COL25A1: variants seen among roughly 807,000 people sequenced by gnomAD.
COL25A1 encodes the protein collagen alpha-1(XXV) chain.
Under a neutral mutation model 128.4 loss-of-function variants are expected in COL25A1, and 103 were observed. The ratio of observed to expected loss-of-function variants is 0.80; its 90% CI spans 0.68 to 0.94. COL25A1 has a LOEUF of 0.94. COL25A1 is among the 40% of genes least tolerant of loss of function. The pLI, the probability that COL25A1 is intolerant of heterozygous loss-of-function variation, is 0.00. For missense variants in COL25A1, 745 were observed against 840.0 expected (o/e 0.89, Z 1.40); for synonymous variants, 279 against 277.2 (o/e 1.01, Z -0.06).
rs376251447 is a variant in COL25A1, at chr4:108,875,889, A to T, written c.1021-6739T>A. On this transcript the variant is annotated intron_variant, in intron 19 of 37. Transcript: ENST00000399132. ...ATGGAATACTATGCCGCCATAAAAA[A>T]GGATGAGTTCATGTCCTTTGCAAGG... is the stretch of plus-strand genomic sequence containing the variant. 1.1e-4 allele frequency among the ~76,000 whole-genome samples: 17 copies of T among 152,336 alleles called. No homozygotes were observed. In the East Asian group the frequency reaches 2.9e-3, roughly 26 times the overall value.
intron 5 of COL25A1, among the ~76,000 whole-genome samples, chr4:109,034,857 C>T (rs1304451786): frequency 6.6e-6 from 1 of 152,086 alleles, no homozygotes; most frequent in African/African-American, 2.4e-5. Context: ...AAATTTAATA[C>T]TCCACTATGG....
chr4:109,110,619 T>C (rs926648955), intron 3 of COL25A1, among the ~76,000 whole-genome samples: 3 of 152,090 alleles, frequency 2.0e-5, no homozygotes, highest in African/African-American at 4.8e-5. Context: ...AGAAATGAAA[T>C]GTTCACATTG....
intron 3 of COL25A1, among the ~76,000 whole-genome samples, chr4:109,076,820 C>T (rs1237889274): frequency 1.3e-5 from 2 of 151,898 alleles, no homozygotes; most frequent in African/African-American, 4.8e-5. Context: ...CAACCTAGAT[C>T]CCTCACATGC....
chr4:109,125,802 A>C (rs1768543180), intron 3 of COL25A1, among the ~76,000 whole-genome samples: 1 of 152,198 alleles, frequency 6.6e-6, no homozygotes, highest in African/African-American at 2.4e-5. Context: ...AGCTGATCAG[A>C]TACAAACACA....
chr4:108,825,038 C>T (rs1237786757), intron 34 of COL25A1, among the ~76,000 whole-genome samples, 158 bp downstream of exon 34: 1 of 151,992 alleles, frequency 6.6e-6, no homozygotes, highest in African/African-American at 2.4e-5. Flanking sequence ...CTCATGCAAA[C>T]ACTAGTGTAT....
intron 3 of COL25A1, among the ~76,000 whole-genome samples, chr4:109,067,650 C>A (rs1057152632): frequency 2.0e-5 from 3 of 152,118 alleles, no homozygotes. Context: ...TTTTTGTTTT[C>A]TTTTCCAGGG....
At chr4:108,896,609 A>C in intron 16 of COL25A1, 58 bp downstream of exon 16, 2 of 1,449,684 alleles carry the variant, frequency 1.4e-6, no homozygotes, top group Non-Finnish European at 1.9e-6. Context: ...CATCTTCATA[A>C]ACTTGAAGTA....
intron 3 of COL25A1, among the ~76,000 whole-genome samples, chr4:109,232,447 T>G (rs6845200): frequency 1.3e-5 from 2 of 152,114 alleles, no homozygotes; most frequent in Non-Finnish European, 2.9e-5. Flanking sequence ...CTTTATAACA[T>G]ATAGAGTCAC....
intron 3 of COL25A1, among the ~76,000 whole-genome samples, chr4:109,135,861 A>G (rs1440801487): frequency 6.6e-6 from 1 of 152,256 alleles, no homozygotes; most frequent in Non-Finnish European, 1.5e-5. Flanking sequence ...GCTCTCTGAC[A>G]GATCCATATA....
At chr4:108,948,033 T>G (rs1748981994) in intron 8 of COL25A1, among the ~76,000 whole-genome samples, 1 of 152,190 alleles carries the variant, frequency 6.6e-6, no homozygotes, top group Non-Finnish European at 1.5e-5. Context: ...ACAGTGGGCA[T>G]GTGTGCAGCA....
At chr4:109,042,338 C>T (rs965760303) in intron 5 of COL25A1, among the ~76,000 whole-genome samples, 6 of 152,064 alleles carry the variant, frequency 3.9e-5, no homozygotes, top group African/African-American at 1.4e-4. Context: ...TCTTTTTCTG[C>T]TTTCTGTCCT....
chr4:108,940,575 T>C lies in COL25A1; in HGVS notation c.636A>G (p.Thr212=), dbSNP rs955818341. Residue 212 remains threonine (T), a synonymous_variant, in exon 10 of 38, where the codon ACA becomes ACG. Transcript: ENST00000399132. The part of the protein sequence containing the change: ...PPGPRGPPGD[T]GKDGPRGMPG... ...GCATTCCACGGGGGCCATCTTTCCC[T>C]GTGTCCCCAGGTGGCCCTCTTGGGC... is the stretch of plus-strand genomic sequence containing the variant. The C allele has an allele frequency of 3.1e-6, 5 of 1,613,594 alleles. No individual in the cohort carries two copies. The African/African-American group carries it at 6.7e-5, about 22-fold the overall frequency.
At chr4:109,162,552 C>T (rs1170045237) in intron 3 of COL25A1, among the ~76,000 whole-genome samples, 1 of 152,162 alleles carries the variant, frequency 6.6e-6, no homozygotes, top group Non-Finnish European at 1.5e-5. Context: ...GTTGGTCTCC[C>T]TAACTACAAT....
At chr4:108,876,271 G>C (rs974553548) in intron 19 of COL25A1, among the ~76,000 whole-genome samples, 1 of 151,764 alleles carries the variant, frequency 6.6e-6, no homozygotes, top group African/African-American at 2.4e-5. Flanking sequence ...GGAAGAAAAG[G>C]ATGAGGAGAA....
intron 11 of COL25A1, 142 bp from the exon 12 acceptor site, chr4:108,920,746 A>T: frequency 2.0e-6 from 1 of 495,460 alleles, no homozygotes. Context: ...AAAAAAAGAA[A>T]AATTTCAGTT....
intron 5 of COL25A1, among the ~76,000 whole-genome samples, chr4:109,031,433 T>TA (rs1560570710): frequency 5.3e-4 from 80 of 151,706 alleles, no homozygotes; most frequent in African/African-American, 1.8e-3. Flanking sequence ...AATACTTTTT[T>TA]TAAAAAAAAA....
chr4:108,964,629 C>T (rs763907175), intron 8 of COL25A1, among the ~76,000 whole-genome samples: 3 of 152,164 alleles, frequency 2.0e-5, no homozygotes, highest in Non-Finnish European at 4.4e-5. Context: ...ATTTACAACA[C>T]TGAATTCCAA....
intron 3 of COL25A1, among the ~76,000 whole-genome samples, chr4:109,188,323 G>T (rs778286397): frequency 6.6e-6 from 1 of 152,166 alleles, no homozygotes; most frequent in Non-Finnish European, 1.5e-5. Flanking sequence ...AACAAGTTTG[G>T]GAAGAGAAGG....
At chr4:108,982,063 A>G (rs1036549902) in intron 6 of COL25A1, among the ~76,000 whole-genome samples, 1 of 148,370 alleles carries the variant, frequency 6.7e-6, no homozygotes, top group African/African-American at 2.6e-5. Context: ...GCGTGGTGGC[A>G]TGCGCCTGTA....
Sources: allele counts gnomAD v4.1 joint callset (sites outside exome capture counted in the v4.1 genomes callset), GRCh38; gene constraint gnomAD v4.1.1; transcripts MANE v1.5; gene names NCBI Gene and HGNC (gene_info 2026-07-23, HGNC 2026-07-21).